The following IFT74 variants were observed in gnomAD, a reference collection of about 807,000 sequenced individuals.
IFT74 encodes intraflagellar transport protein 74 homolog.
A neutral mutation model predicts 96.7 loss-of-function variants in IFT74; 92 were observed. The ratio of observed to expected loss-of-function variants is 0.95; its 90% CI spans 0.80 to 1.13. The LOEUF (loss-of-function observed/expected upper bound fraction) is 1.13. IFT74 is among the 50% of genes most tolerant of loss of function. IFT74 has a pLI of 0.00. For missense variants in IFT74, 811 were observed against 698.2 expected, an observed-to-expected ratio of 1.16 and a Z score of -1.82; for synonymous variants, 223 against 213.2, an observed-to-expected ratio of 1.05 and a Z score of -0.40.
At chr9:26,986,664 T>C (rs1827651875) in intron 6 of IFT74, among the ~76,000 whole-genome samples, 1 of 152,108 alleles carries the variant, frequency 6.6e-6, no homozygotes, top group Admixed American at 6.6e-5. Context: ...GCTCTGTTGC[T>C]CTGGCTGAAG....
intron 16 of IFT74, among the ~76,000 whole-genome samples, chr9:27,054,657 A>G (rs1018996430): frequency 6.6e-6 from 1 of 152,216 alleles, no homozygotes; most frequent in Non-Finnish European, 1.5e-5. Context: ...CAATCCTTGC[A>G]GCATTTTCAT....
rs533156734 is a variant in IFT74 at position 26,984,192 on chromosome 9, A to G, written c.306-65A>G. The G allele has an allele frequency of 1.7e-4, 220 of 1,287,586 alleles. 2 individuals are homozygous for G. The South Asian group carries it at 3.0e-3, about 17-fold the overall frequency. 79.8% of individuals were successfully genotyped at this position (1,287,586 alleles called of 1,614,324 possible). ...TATTACGTATTAATGGAAAGTTTAA[A>G]TTTTGCTTAACTAGAGTTTTCTGGA... On this transcript the variant is annotated intron_variant, in intron 4 of 19. Coordinates refer to ENST00000380062, the MANE Select transcript of IFT74 (RefSeq NM_025103.4).
At chr9:26,955,474 G>A (rs1388327700), upstream of IFT74, among the ~76,000 whole-genome samples, 3 of 152,108 alleles carry the variant, frequency 2.0e-5, no homozygotes, top group African/African-American at 7.2e-5. Flanking sequence ...AGGAAGACTA[G>A]GAAAGCCAGT....
upstream of IFT74, among the ~76,000 whole-genome samples, chr9:26,953,014 C>T (rs1825981279): frequency 6.6e-6 from 1 of 152,112 alleles, no homozygotes; most frequent in South Asian, 2.1e-4. Context: ...ACAGCTTTTA[C>T]AGGGAAAAAA....
intron 4 of IFT74, among the ~76,000 whole-genome samples, chr9:26,982,872 G>A (rs191805317): frequency 3.9e-5 from 6 of 152,228 alleles, no homozygotes; most frequent in African/African-American, 9.6e-5. Context: ...GATTACAGGC[G>A]TGAGCTGCCG....
intron 4 of IFT74, among the ~76,000 whole-genome samples, chr9:26,981,253 A>G (rs1827363412): frequency 6.6e-6 from 1 of 152,100 alleles, no homozygotes; most frequent in South Asian, 2.1e-4. Context: ...ATTTTATTTT[A>G]TTTATATTTT....
intron 16 of IFT74, among the ~76,000 whole-genome samples, chr9:27,050,619 A>G (rs1327674771): frequency 1.3e-5 from 2 of 151,924 alleles, no homozygotes; most frequent in African/African-American, 2.4e-5. Flanking sequence ...ATAGTGAGAA[A>G]TGAAGACCTA....
At chr9:27,057,584 A>G (rs919334650) in intron 18 of IFT74, among the ~76,000 whole-genome samples, 3 of 152,138 alleles carry the variant, frequency 2.0e-5, no homozygotes, top group African/African-American at 7.2e-5. Flanking sequence ...TTGGCCAGGC[A>G]CGGTGGTTCA....
intron 19 of IFT74, among the ~76,000 whole-genome samples, chr9:27,061,584 T>C (rs1820423096): frequency 6.6e-6 from 1 of 151,752 alleles, no homozygotes; most frequent in Non-Finnish European, 1.5e-5. Context: ...CCCAGAATTG[T>C]ATCATCTCTA....
In IFT74 at chr9:26,948,459, T is replaced by A. The variant is rs1006949015; in HGVS notation, c.-20+1313T>A. Among the ~76,000 whole-genome samples the A allele has an allele frequency of 9.9e-3, 447 of 44,982 alleles. 6 individuals are homozygous for A. Among genetic ancestry groups the A allele is most frequent in the South Asian group, 0.018 (11 of 620 alleles). The allele number at this position is 44,982 out of a possible 152,430, so 29.5% of individuals were successfully genotyped here. ...GATGGCTTTCCATTATTTTTTTTTT[T>A]TTTTTTTTTTTTTTTTTTTTTTTTT... On this transcript the variant is annotated intron_variant, in intron 1 of 19. Coordinates refer to the IFT74 transcript ENST00000433700.
At chr9:27,041,271 A>G (rs1285167380) in intron 13 of IFT74, among the ~76,000 whole-genome samples, 2 of 152,182 alleles carry the variant, frequency 1.3e-5, no homozygotes, top group Non-Finnish European at 2.9e-5. Context: ...ATCCTCCTGA[A>G]GTCTTTTCAC....
At chr9:27,049,342 G>A (rs1302603930) in intron 16 of IFT74, among the ~76,000 whole-genome samples, 1 of 152,136 alleles carries the variant, frequency 6.6e-6, no homozygotes, top group East Asian at 1.9e-4. Flanking sequence ...GGTAGTCAGG[G>A]GCCTGTTGAC....
At chr9:26,991,059 A>G (rs568324743) in intron 8 of IFT74, among the ~76,000 whole-genome samples, 20 of 152,352 alleles carry the variant, frequency 1.3e-4, no homozygotes, top group African/African-American at 4.8e-4. Flanking sequence ...AGACAATAAT[A>G]AACCCAAATT....
At chr9:27,003,205 G>GT (rs11435056) in intron 8 of IFT74, among the ~76,000 whole-genome samples, 7,273 of 147,622 alleles carry the variant, frequency 0.049, 227 homozygotes, top group South Asian at 0.13. Flanking sequence ...TTTAGGGTTT[G>GT]TTTTTTTTTT....
intron 13 of IFT74, chr9:27,036,728 C>A: frequency 7.8e-7 from 1 of 1,274,338 alleles, no homozygotes; most frequent in Non-Finnish European, 9.9e-7. Flanking sequence ...TGAAAGAAAT[C>A]CCTTACAGAC....
At chr9:26,960,251 CTT>C (rs1826297075) in intron 1 of IFT74, among the ~76,000 whole-genome samples, 1 of 151,886 alleles carries the variant, frequency 6.6e-6, no homozygotes, top group African/African-American at 2.4e-5. Flanking sequence ...AGATTTTCCT[CTT>C]GTGTGTAATC....
chr9:27,020,050 A>ACTGCAAC (rs1483900481), intron 12 of IFT74, among the ~76,000 whole-genome samples: 2 of 151,126 alleles, frequency 1.3e-5, no homozygotes, highest in African/African-American at 4.9e-5. Flanking sequence ...ATCTTGGCTC[A>ACTGCAAC]CTGCAACCTC....
At chr9:26,968,794 T>A (rs1235707175) in intron 2 of IFT74, among the ~76,000 whole-genome samples, 1 of 144,258 alleles carries the variant, frequency 6.9e-6, no homozygotes, top group African/African-American at 2.4e-5. Context: ...TTTATTTGAG[T>A]CTTCCCTCTT....
intron 13 of IFT74, among the ~76,000 whole-genome samples, chr9:27,042,644 G>T (rs1313192536): frequency 1.3e-5 from 2 of 152,014 alleles, no homozygotes; most frequent in Non-Finnish European, 2.9e-5. Context: ...AAGATTAAAA[G>T]AAAAAAGATA....
Sources: allele counts gnomAD v4.1 joint callset (sites outside exome capture counted in the v4.1 genomes callset), GRCh38; gene constraint gnomAD v4.1.1; transcripts MANE v1.5; gene names NCBI Gene and HGNC (gene_info 2026-07-23, HGNC 2026-07-21).